Variants in ANKS1B observed in about 807,000 individuals in gnomAD.
ANKS1B encodes ankyrin repeat and sterile alpha motif domain-containing protein 1B.
ANKS1B carries 36 observed loss-of-function variants against 148.3 expected under a neutral mutation model. The observed-to-expected ratio is 0.24, with a 90% CI of 0.19 to 0.32. The LOEUF (loss-of-function observed/expected upper bound fraction) is 0.32. Among genes scored for constraint, ANKS1B ranks in the 10% least tolerant of loss-of-function variants. The pLI, the probability that ANKS1B is intolerant of heterozygous loss-of-function variation, is 1.00. For synonymous variants in ANKS1B, 542 were observed against 560.8 expected (o/e 0.97, Z 0.47); for missense variants, 1,157 against 1,542.6 (o/e 0.75, Z 4.19).
chr12:98,885,438 T>C (rs974480267), intron 17 of ANKS1B, among the ~76,000 whole-genome samples: 4 of 152,192 alleles, frequency 2.6e-5, no homozygotes, highest in East Asian at 3.9e-4. Context: ...GAAAAACACA[T>C]TCAGTGAACA....
At chr12:99,530,541 A>AAGTTGT in intron 9 of ANKS1B, among the ~76,000 whole-genome samples, 1 of 152,214 alleles carries the variant, frequency 6.6e-6, no homozygotes, top group Non-Finnish European at 1.5e-5. Flanking sequence ...GCCCAACTGC[A>AAGTTGT]ACAGGTAAGT....
At chr12:98,972,848 A>G (rs1444722358) in intron 17 of ANKS1B, among the ~76,000 whole-genome samples, 1 of 152,210 alleles carries the variant, frequency 6.6e-6, no homozygotes, top group Non-Finnish European at 1.5e-5. Context: ...CTCAGGTGAT[A>G]CTAATGAAGT....
chr12:99,155,713 T>G (rs118135049), intron 14 of ANKS1B, among the ~76,000 whole-genome samples: 10 of 152,278 alleles, frequency 6.6e-5, no homozygotes, highest in Non-Finnish European at 1.0e-4. Flanking sequence ...AGAAACAGAC[T>G]CTTAAGATTG....
At chr12:99,357,596 C>T (rs533085885) in intron 12 of ANKS1B, among the ~76,000 whole-genome samples, 12 of 152,258 alleles carry the variant, frequency 7.9e-5, no homozygotes, top group African/African-American at 2.6e-4. Context: ...TTATACTCAT[C>T]ATCTGTTTAT....
At chr12:99,649,431 A>C (rs1292745448) in intron 9 of ANKS1B, 1 of 1,545,464 alleles carries the variant, frequency 6.5e-7, no homozygotes, top group Non-Finnish European at 8.9e-7. Context: ...ACTACGTTCA[A>C]GAGTTCACAC....
chr12:99,240,619 T>C (rs1044104879), intron 14 of ANKS1B, among the ~76,000 whole-genome samples: 10 of 152,066 alleles, frequency 6.6e-5, no homozygotes, highest in African/African-American at 2.4e-4. Flanking sequence ...ACATCCCACT[T>C]ATTCTAAAAT....
At chr12:98,871,281 C>A (rs1052010765) in intron 17 of ANKS1B, among the ~76,000 whole-genome samples, 2 of 152,128 alleles carry the variant, frequency 1.3e-5, no homozygotes, top group African/African-American at 4.8e-5. Flanking sequence ...TCTCTTCCCT[C>A]ATAAAGCATG....
intron 17 of ANKS1B, among the ~76,000 whole-genome samples, chr12:98,993,316 C>G (rs942349425): frequency 1.3e-5 from 2 of 152,104 alleles, no homozygotes; most frequent in African/African-American, 4.8e-5. Flanking sequence ...TACAGCTGCA[C>G]GCCACCATGC....
chr12:98,917,458 G>A (rs2099795914), intron 17 of ANKS1B, among the ~76,000 whole-genome samples: 2 of 152,132 alleles, frequency 1.3e-5, no homozygotes, highest in Non-Finnish European at 2.9e-5. Flanking sequence ...CTAGTGGAGA[G>A]GACATCACTC....
intron 17 of ANKS1B, among the ~76,000 whole-genome samples, chr12:98,922,457 G>A (rs2099802705): frequency 1.3e-5 from 2 of 152,082 alleles, no homozygotes; most frequent in Admixed American, 1.3e-4. Context: ...TGTAAGAAAA[G>A]GAATTAAGTT....
At chr12:99,757,260 AC>A (rs1203620634) in intron 8 of ANKS1B, among the ~76,000 whole-genome samples, 3 of 152,064 alleles carry the variant, frequency 2.0e-5, no homozygotes, top group African/African-American at 7.2e-5. Flanking sequence ...CAAGAAAAAA[AC>A]GACCACATAA....
intron 1 of ANKS1B, among the ~76,000 whole-genome samples, chr12:99,950,551 GT>G (rs935704893): frequency 6.6e-6 from 1 of 151,874 alleles, no homozygotes; most frequent in African/African-American, 2.4e-5. Flanking sequence ...TTATGTTTAT[GT>G]TTCCATGCTT....
chr12:98,857,674 A>C (rs1265109414), intron 17 of ANKS1B, among the ~76,000 whole-genome samples: 1 of 152,182 alleles, frequency 6.6e-6, no homozygotes, highest in African/African-American at 2.4e-5. Context: ...TAAATGAATG[A>C]AGGTGGCTAG....
At chr12:99,961,283 T>C (rs1325154466) in intron 1 of ANKS1B, among the ~76,000 whole-genome samples, 1 of 151,778 alleles carries the variant, frequency 6.6e-6, no homozygotes, top group African/African-American at 2.4e-5. Flanking sequence ...ACAAATGAAG[T>C]GAGAGAATTT....
At chr12:99,927,075 G>A (rs2094494146) in intron 1 of ANKS1B, among the ~76,000 whole-genome samples, 1 of 152,182 alleles carries the variant, frequency 6.6e-6, no homozygotes, top group East Asian at 1.9e-4. Context: ...AGAGTTGATT[G>A]AAGTCCCTCT....
At chr12:99,419,834 A>C (rs1482599038) in intron 11 of ANKS1B, among the ~76,000 whole-genome samples, 1 of 151,980 alleles carries the variant, frequency 6.6e-6, no homozygotes, top group Non-Finnish European at 1.5e-5. Flanking sequence ...GTGTCCAACT[A>C]ATTTTTTAAA....
In ANKS1B at chr12:99,922,993, T is replaced by C. The variant is rs559813748; in HGVS notation, c.134+61111A>G. On this transcript the variant is annotated intron_variant, in intron 1 of 26. Transcript: ENST00000683438. The stretch of plus-strand genomic sequence containing the variant: ...TTACTTAATCTGTGGCATTCTGCTA[T>C]AGCAACATGAAATGGACTAAGACAA... 7.9e-5 allele frequency among the ~76,000 whole-genome samples: 12 copies of C among 152,218 alleles called. No homozygotes were observed. In the East Asian group the frequency reaches 1.7e-3, roughly 22 times the overall value.
chr12:99,321,671 G>A (rs1160053794), intron 12 of ANKS1B, among the ~76,000 whole-genome samples: 7 of 152,214 alleles, frequency 4.6e-5, no homozygotes, highest in East Asian at 3.9e-4. Flanking sequence ...GCGATGCCCC[G>A]CCCTGCTCTG....
chr12:99,409,681 A>G (rs1381062500), intron 11 of ANKS1B, among the ~76,000 whole-genome samples: 1 of 152,156 alleles, frequency 6.6e-6, no homozygotes, highest in Non-Finnish European at 1.5e-5. Flanking sequence ...AGAGATATCT[A>G]TGTGGAGAAA....
Sources: allele counts gnomAD v4.1 joint callset (sites outside exome capture counted in the v4.1 genomes callset), GRCh38; gene constraint gnomAD v4.1.1; transcripts MANE v1.5; gene names NCBI Gene and HGNC (gene_info 2026-07-23, HGNC 2026-07-21).